The following ITPR1 variants were observed in gnomAD, a reference collection of about 807,000 sequenced individuals.
ITPR1 encodes the protein inositol 1,4,5-trisphosphate receptor type 1, also known as inositol 1,4,5-trisphosphate-gated calcium channel ITPR1.
ITPR1 carries 96 observed loss-of-function variants against 318.4 expected under a neutral mutation model. The ratio of observed to expected loss-of-function variants is 0.30; its 90% CI spans 0.26 to 0.36. The LOEUF (loss-of-function observed/expected upper bound fraction) is 0.36, where lower values mean the gene tolerates loss of function less well. ITPR1 is among the 10% of genes least tolerant of loss of function. ITPR1 has a pLI of 1.00. For synonymous variants in ITPR1, 1,312 were observed against 1,289.9 expected, an observed-to-expected ratio of 1.02 and a Z score of -0.37; for missense variants, 2,440 against 3,460.2, an observed-to-expected ratio of 0.71 and a Z score of 7.40.
Position 4,548,902 on chromosome 3 carries a change from C to T in ITPR1, c.163+27808C>T, listed in dbSNP as rs571217324. Reference sequence around the variant, plus strand: ...AGTCTGGGAACCCCATTAAGAAGATCTGGGTTATTCTCCCTTCTCAGTAAA... The same window carrying T: ...AGTCTGGGAACCCCATTAAGAAGATTTGGGTTATTCTCCCTTCTCAGTAAA... On this transcript the variant is annotated intron_variant, in intron 4 of 61. Coordinates refer to ENST00000649015, the MANE Select transcript of ITPR1 (RefSeq NM_001378452.1). Among the ~76,000 whole-genome samples, 7 of 152,162 alleles carry T rather than the reference C, an allele frequency of 4.6e-5. No homozygotes were observed. The South Asian group carries it at 6.2e-4, about 14-fold the overall frequency.
At chr3:4,637,179 T>C (rs1331409026) in intron 5 of ITPR1, among the ~76,000 whole-genome samples, 2 of 152,256 alleles carry the variant, frequency 1.3e-5, no homozygotes, top group Non-Finnish European at 2.9e-5. Flanking sequence ...GAAAATGTTA[T>C]ATTTTATTTT....
At chr3:4,551,859 C>T (rs1402770570) in intron 4 of ITPR1, among the ~76,000 whole-genome samples, 1 of 152,220 alleles carries the variant, frequency 6.6e-6, no homozygotes, top group Non-Finnish European at 1.5e-5. Flanking sequence ...GACTACATCT[C>T]TGCTGTCTGA....
rs114850193 is a variant in ITPR1 at position 4,580,949 on chromosome 3, G to T, written c.164-46814G>T. Among the ~76,000 whole-genome samples the T allele has an allele frequency of 9.4e-3, 1,432 of 152,176 alleles. 20 individuals are homozygous for T. The highest frequency in any genetic ancestry group is 0.033 in the African/African-American group (1,351 of 41,510). Reference sequence around the variant, plus strand: ...TATTTCTTCTGTAAATACCAATCACGTTAGGTGCCAGAGCAGTTAACTAAC... The same window carrying T: ...TATTTCTTCTGTAAATACCAATCACTTTAGGTGCCAGAGCAGTTAACTAAC... On this transcript the variant is annotated intron_variant, in intron 4 of 61. Transcript: ENST00000649015.
rs1052086587 is a variant in ITPR1, at chr3:4,794,149, T to C, written c.6809-916T>C. On this transcript the variant is annotated intron_variant, in intron 52 of 61. Transcript: ENST00000649015. ...GCCTGTGACATGGACACTGAAATTATGCCTACCATGTCTATTTTGGAGCAT... is the reference window on the plus strand; with the variant it reads ...GCCTGTGACATGGACACTGAAATTACGCCTACCATGTCTATTTTGGAGCAT... Among the ~76,000 whole-genome samples the C allele has an allele frequency of 3.3e-5, 5 of 152,240 alleles. No individual in the cohort carries two copies. In the South Asian group the frequency reaches 1.0e-3, roughly 32 times the overall value.
intron 39 of ITPR1, among the ~76,000 whole-genome samples, chr3:4,713,521 G>C (rs917511864): frequency 6.6e-5 from 10 of 152,184 alleles, no homozygotes; most frequent in African/African-American, 2.4e-4. Flanking sequence ...AAGTATGTCA[G>C]GGTCTTTGAG....
In ITPR1 at chr3:4,846,254, CTTTTA is replaced by C; in HGVS notation, c.*31_*35del. 1 of 1,436,866 alleles carries C rather than the reference CTTTTA, an allele frequency of 7.0e-7. No homozygotes were observed. Among genetic ancestry groups the C allele is most frequent in the Non-Finnish European group, 9.6e-7 (1 of 1,043,666 alleles). 89.0% of individuals were successfully genotyped at this position (1,436,866 alleles called of 1,614,324 possible). A position where few individuals can be genotyped will look rare whatever the true frequency, so the allele number is the denominator to read the frequency against. On this transcript the variant is annotated 3_prime_UTR_variant, in exon 62 of 62. Transcript: ENST00000649015. Reference sequence around the variant, plus strand: ...AATGAAAGAAAGGAATTGTATTTACCTTTTATAATTATTATTAGTGTGGGTATGGC... The same window carrying C: ...AATGAAAGAAAGGAATTGTATTTACCTAATTATTATTAGTGTGGGTATGGC...
At chr3:4,606,017 A>G (rs1055726900) in intron 4 of ITPR1, among the ~76,000 whole-genome samples, 6 of 152,170 alleles carry the variant, frequency 3.9e-5, no homozygotes, top group African/African-American at 1.4e-4. Context: ...TACCATTTGC[A>G]ACAGTTTCCA....
At chr3:4,762,967 A>G (rs1177836520) in intron 44 of ITPR1, among the ~76,000 whole-genome samples, 1 of 152,256 alleles carries the variant, frequency 6.6e-6, no homozygotes, top group Non-Finnish European at 1.5e-5. Context: ...GACTGGATAA[A>G]GAAATTATAG....
chr3:4,794,492 A>C (rs1465267482), intron 52 of ITPR1, among the ~76,000 whole-genome samples: 1 of 152,178 alleles, frequency 6.6e-6, no homozygotes, highest in African/African-American at 2.4e-5. Flanking sequence ...AGATGACTCA[A>C]TGCCGGGAAA....
chr3:4,759,353 C>T (rs1183463370), intron 44 of ITPR1, among the ~76,000 whole-genome samples: 1 of 152,212 alleles, frequency 6.6e-6, no homozygotes, highest in Non-Finnish European at 1.5e-5. Context: ...GGCCCCTCTA[C>T]AGCTCAGTCA....
intron 4 of ITPR1, among the ~76,000 whole-genome samples, chr3:4,578,407 G>A (rs1487995398): frequency 6.6e-6 from 1 of 152,106 alleles, no homozygotes; most frequent in Non-Finnish European, 1.5e-5. Context: ...ATAGGCCTCT[G>A]CATTCAAATG....
At chr3:4,534,539 A>G (rs1430496265) in intron 4 of ITPR1, among the ~76,000 whole-genome samples, 2 of 152,240 alleles carry the variant, frequency 1.3e-5, no homozygotes, top group Admixed American at 6.5e-5. Context: ...TTCCAAAACA[A>G]TAGCTGGAGG....
chr3:4,800,671 T>G, intron 54 of ITPR1, 71 bp downstream of exon 54: 3 of 1,477,734 alleles, frequency 2.0e-6, no homozygotes, highest in Non-Finnish European at 2.8e-6. Context: ...CTCTGGTTTC[T>G]AGAATCCTGG....
At chr3:4,508,172 G>A (rs527779186) in intron 2 of ITPR1, among the ~76,000 whole-genome samples, 4 of 152,238 alleles carry the variant, frequency 2.6e-5, no homozygotes, top group East Asian at 1.9e-4. Context: ...CCTGCCACCC[G>A]ATTACTGAAA....
At chr3:4,609,985 G>C (rs1410895718) in intron 4 of ITPR1, among the ~76,000 whole-genome samples, 1 of 152,162 alleles carries the variant, frequency 6.6e-6, no homozygotes, top group African/African-American at 2.4e-5. Context: ...AGGGAGGGGG[G>C]ACCAGGTCAG....
At chr3:4,834,977 T>G (rs11711879) in intron 60 of ITPR1, among the ~76,000 whole-genome samples, 74,587 of 151,952 alleles carry the variant, frequency 0.49, 18,529 homozygotes, top group East Asian at 0.58. Context: ...GTTATTAGGG[T>G]GCATGCAGAA....
At chr3:4,816,884 G>A (rs4685822) in intron 59 of ITPR1, among the ~76,000 whole-genome samples, 1 of 152,172 alleles carries the variant, frequency 6.6e-6, no homozygotes, top group Non-Finnish European at 1.5e-5. Context: ...TGATTTTTAT[G>A]TTATTATTAT....
At chr3:4,784,108 G>A (rs192881922) in intron 51 of ITPR1, among the ~76,000 whole-genome samples, 188 bp downstream of exon 51, 4 of 152,230 alleles carry the variant, frequency 2.6e-5, no homozygotes, top group East Asian at 3.9e-4. Context: ...CTTGTGGTCC[G>A]GTGGGGAAGA....
chr3:4,555,638 T>C (rs912039557), intron 4 of ITPR1, among the ~76,000 whole-genome samples: 2 of 152,200 alleles, frequency 1.3e-5, no homozygotes, highest in Non-Finnish European at 2.9e-5. Flanking sequence ...ACAATCTAGT[T>C]TTTTTCAGCA....
Sources: gnomAD v4.1 joint callset for allele counts (sites outside exome capture counted in the v4.1 genomes callset) on GRCh38, gnomAD v4.1.1 for gene constraint, MANE v1.5 for transcripts, NCBI Gene and HGNC (gene_info 2026-07-23, HGNC 2026-07-21) for gene names.